PLCL1: variants seen among roughly 807,000 people sequenced by gnomAD.
PLCL1 encodes the protein phospholipase C like 1 (inactive).
Under a neutral mutation model 84.4 loss-of-function variants are expected in PLCL1, and 41 were observed. That is an observed-to-expected ratio of 0.49 (90% CI 0.38 to 0.63). The LOEUF (loss-of-function observed/expected upper bound fraction) is 0.63, where lower values mean the gene tolerates loss of function less well. PLCL1 is among the 30% of genes least tolerant of loss of function. The pLI is 0.00. For synonymous variants in PLCL1, 490 were observed against 488.3 expected (o/e 1.00, Z -0.05); for missense variants, 1,206 against 1,367.8 (o/e 0.88, Z 1.87).
intron 1 of PLCL1, among the ~76,000 whole-genome samples, chr2:197,976,993 G>A (rs73058803): frequency 0.018 from 2,747 of 152,214 alleles, 75 homozygotes; most frequent in African/African-American, 0.06. Context: ...CATGTGGACC[G>A]TTTGGTCTGC....
At chr2:197,954,376 C>T (rs1314554789) in intron 1 of PLCL1, among the ~76,000 whole-genome samples, 1 of 152,032 alleles carries the variant, frequency 6.6e-6, no homozygotes, top group Non-Finnish European at 1.5e-5. Context: ...TTATGTTGTT[C>T]ACTGTGTTGG....
At chr2:197,884,685 C>T (rs1193197848) in intron 1 of PLCL1, among the ~76,000 whole-genome samples, 1 of 152,140 alleles carries the variant, frequency 6.6e-6, no homozygotes, top group East Asian at 1.9e-4. Flanking sequence ...CCTTCATTCC[C>T]CATATGCAAA....
chr2:197,890,754 G>A (rs1478725861), intron 1 of PLCL1, among the ~76,000 whole-genome samples: 1 of 137,902 alleles, frequency 7.3e-6, no homozygotes, highest in Non-Finnish European at 1.5e-5. Flanking sequence ...GTATACGTAT[G>A]TATATATACA....
chr2:198,051,581 A>G (rs879495883), intron 1 of PLCL1, among the ~76,000 whole-genome samples: 1 of 152,152 alleles, frequency 6.6e-6, no homozygotes, highest in Non-Finnish European at 1.5e-5. Flanking sequence ...CCCTGATCAT[A>G]TCTTAAAAAA....
intron 1 of PLCL1, among the ~76,000 whole-genome samples, chr2:197,806,843 A>G (rs951725450): frequency 2.6e-5 from 4 of 152,238 alleles, no homozygotes; most frequent in Non-Finnish European, 5.9e-5. Flanking sequence ...AAACGGCTCT[A>G]TAATGTTGTA....
intron 1 of PLCL1, among the ~76,000 whole-genome samples, chr2:197,896,370 A>G (rs1001907579): frequency 6.6e-5 from 10 of 152,152 alleles, no homozygotes; most frequent in Non-Finnish European, 1.3e-4. Context: ...AACAAAGAGC[A>G]TCCTAGAGCA....
At chr2:198,041,183 C>G (rs1430007174) in intron 1 of PLCL1, among the ~76,000 whole-genome samples, 2 of 152,188 alleles carry the variant, frequency 1.3e-5, no homozygotes, top group African/African-American at 4.8e-5. Flanking sequence ...GAGACTAACC[C>G]TTCGGTTTGA....
intron 5 of PLCL1, among the ~76,000 whole-genome samples, chr2:198,112,571 T>C (rs1326833638): frequency 1.3e-5 from 2 of 151,916 alleles, no homozygotes; most frequent in Admixed American, 6.6e-5. Flanking sequence ...ACCTACAATC[T>C]GTCCTTTATC....
intron 1 of PLCL1, among the ~76,000 whole-genome samples, chr2:197,834,036 G>A (rs1236992391): frequency 2.0e-5 from 3 of 152,148 alleles, no homozygotes; most frequent in Non-Finnish European, 4.4e-5. Context: ...TCTGATCTTT[G>A]ACAAACCTGA....
In PLCL1 at chr2:197,819,322, C is replaced by A. The variant is rs1051776168; in HGVS notation, c.240+13983C>A. On this transcript the variant is annotated intron_variant, in intron 1 of 5. Transcript: ENST00000428675. Reference sequence around the variant, plus strand: ...CGTGGGGGCTGCAAAGTAGAGAAGACCTTGAATTAAACATGACATTGAAAT... The same window carrying A: ...CGTGGGGGCTGCAAAGTAGAGAAGAACTTGAATTAAACATGACATTGAAAT... Among the ~76,000 whole-genome samples, 7 of 152,138 alleles carry A rather than the reference C, an allele frequency of 4.6e-5. No homozygotes were observed. The South Asian group carries it at 1.5e-3, about 32-fold the overall frequency.
intron 1 of PLCL1, among the ~76,000 whole-genome samples, chr2:197,904,492 A>G (rs1221140940): frequency 1.3e-5 from 2 of 152,142 alleles, no homozygotes; most frequent in Admixed American, 6.5e-5. Flanking sequence ...GATTTCCTTT[A>G]TTGGTTTTTT....
chr2:197,936,343 T>C (rs1269438261), intron 1 of PLCL1, among the ~76,000 whole-genome samples: 1 of 152,206 alleles, frequency 6.6e-6, no homozygotes. Flanking sequence ...CCTCCATTGT[T>C]TTCCATAGTG....
chr2:197,990,156 C>G (rs534576985), intron 1 of PLCL1, among the ~76,000 whole-genome samples: 1 of 152,062 alleles, frequency 6.6e-6, no homozygotes, highest in Non-Finnish European at 1.5e-5. Flanking sequence ...ACACATTAGA[C>G]CTAAACGAGC....
At chr2:197,850,744 C>A (rs1190275729) in intron 1 of PLCL1, among the ~76,000 whole-genome samples, 1 of 152,064 alleles carries the variant, frequency 6.6e-6, no homozygotes, top group Admixed American at 6.6e-5. Flanking sequence ...ACGGGAATCC[C>A]TGAGTTGGTA....
At chr2:197,809,432 C>T (rs1690539953) in intron 1 of PLCL1, among the ~76,000 whole-genome samples, 1 of 152,208 alleles carries the variant, frequency 6.6e-6, no homozygotes, top group Non-Finnish European at 1.5e-5. Context: ...GAAGAGTACG[C>T]ATCTTAGGTC....
intron 1 of PLCL1, among the ~76,000 whole-genome samples, chr2:198,023,652 A>C (rs1271875518): frequency 1.3e-5 from 2 of 152,282 alleles, no homozygotes; most frequent in Non-Finnish European, 2.9e-5. Context: ...TAAAAAGCTC[A>C]TCATCACTGG....
intron 1 of PLCL1, among the ~76,000 whole-genome samples, chr2:197,879,123 G>C (rs1465956159): frequency 1.3e-5 from 2 of 152,188 alleles, no homozygotes; most frequent in African/African-American, 4.8e-5. Context: ...TTATTTACCT[G>C]CTTGACTGCT....
At chr2:197,866,034 A>ATATATATATATAT (rs1215315731) in intron 1 of PLCL1, among the ~76,000 whole-genome samples, 1 of 41,756 alleles carries the variant, frequency 2.4e-5, no homozygotes, top group African/African-American at 2.4e-4. Flanking sequence ...AAAAAAAAAA[A>ATATATATATATAT]AAATATATAT....
chr2:198,136,106 C>T (rs1181051103), intron 5 of PLCL1, among the ~76,000 whole-genome samples: 1 of 152,074 alleles, frequency 6.6e-6, no homozygotes, highest in Non-Finnish European at 1.5e-5. Context: ...ACTTTGTCAA[C>T]TTGTCTTTTT....
Sources: allele counts gnomAD v4.1 joint callset (sites outside exome capture counted in the v4.1 genomes callset), GRCh38; gene constraint gnomAD v4.1.1; transcripts MANE v1.5; gene names NCBI Gene and HGNC (gene_info 2026-07-23, HGNC 2026-07-21).